The following HYOU1 variants were observed in gnomAD, a reference collection of about 807,000 sequenced individuals.
The protein encoded by HYOU1 is hypoxia up-regulated 1, also known as hypoxia up-regulated protein 1.
In HYOU1, 40 loss-of-function variants were observed where a neutral mutation model predicts 120.5. The ratio of observed to expected loss-of-function variants is 0.33; its 90% CI spans 0.26 to 0.43. The LOEUF is 0.43. Ranked by LOEUF, HYOU1 falls within the 20% of genes least tolerant of loss-of-function variation. The pLI is 1.00. For missense variants in HYOU1, 1,085 were observed against 1,278.3 expected (o/e 0.85, Z 2.31); for synonymous variants, 501 against 479.4 (o/e 1.05, Z -0.59).
Position 119,048,869 on chromosome 11 carries a change from T to C in HYOU1, c.2010A>G (p.Ala670=). 1 of 1,607,926 alleles carries C rather than the reference T, an allele frequency of 6.2e-7. No homozygotes were observed. Among genetic ancestry groups the C allele is most frequent in the Non-Finnish European group, 8.5e-7 (1 of 1,177,542 alleles). ...GAGCGACGCCCTCAGGCCCTGCCTCTGCCTTCTCACTTGGTTTCTGGGTGG... is the reference window on the plus strand; with the variant it reads ...GAGCGACGCCCTCAGGCCCTGCCTCCGCCTTCTCACTTGGTTTCTGGGTGG... The part of the protein sequence containing the change: ...KSEAQKPSEK[A]EAGPEGVAPA... The change falls in exon 18 of 26, where the codon GCA becomes GCG. Residue 670 remains alanine (A), a synonymous_variant. Coordinates refer to ENST00000617285, the MANE Select transcript of HYOU1 (RefSeq NM_006389.5). The surrounding 1 kb of genome is among the most constrained non-coding windows in gnomAD (Gnocchi z 4.7).
Position 119,052,489 on chromosome 11 carries a change from A to G in HYOU1, c.988-60T>C. ...CCCAGCTCCCGCTCTCTTGGTGAGT[A>G]GGACAGAAACAAAAAGAATAGGTCT... On this transcript the variant is annotated intron_variant, in intron 9 of 25. Transcript: ENST00000617285. This position sits in a 1 kb window ranked among gnomAD's most constrained non-coding sequence, Gnocchi z 5.0. The G allele has an allele frequency of 1.2e-6, 2 of 1,610,422 alleles. No homozygotes were observed. The highest frequency in any genetic ancestry group is 1.7e-6 in the Non-Finnish European group (2 of 1,177,892).
intron 8 of HYOU1, chr11:119,053,597 G>T (rs2133600246): frequency 6.6e-6 from 1 of 152,594 alleles, no homozygotes; most frequent in Non-Finnish European, 1.5e-5. Flanking sequence ...TATGAAGAAA[G>T]AACTGAAAGG....
At position 119,049,935 on chromosome 11, in the gene HYOU1, C is replaced by T. The variant is rs2133576695; in HGVS notation, c.1666-98G>A. 1.0e-4 allele frequency: 106 copies of T among 1,051,172 alleles called. 1 individual carries two copies. The highest frequency in any genetic ancestry group is 1.5e-4 in the Non-Finnish European group (98 of 672,892). The allele number at this position is 1,051,172 out of a possible 1,614,324, so 65.1% of individuals were successfully genotyped here. A position where few individuals can be genotyped will look rare whatever the true frequency, so the allele number is the denominator to read the frequency against. On this transcript the variant is annotated intron_variant, in intron 14 of 25. Transcript: ENST00000617285. ...GTGTTTGCTTATGCACACTCCATGC[C>T]GTCACAGGCCTAGTCTCTCACCTGC... is the stretch of plus-strand genomic sequence containing the variant.
chr11:119,044,400 C>A lies in HYOU1; in HGVS notation c.*1193G>T, dbSNP rs1943954671. ...AAAGGAAAAGACAAAATGACTGACACAGCCAGGTTCATTCTTGTCTTGGAG... is the reference window on the plus strand; with the variant it reads ...AAAGGAAAAGACAAAATGACTGACAAAGCCAGGTTCATTCTTGTCTTGGAG... On this transcript the variant is annotated 3_prime_UTR_variant, in exon 26 of 26. Transcript: ENST00000617285. 6.6e-6 allele frequency: 1 copy of A among 151,712 alleles called. No homozygotes were observed. The highest frequency in any genetic ancestry group is 1.9e-4 in the East Asian group (1 of 5,146). The allele number at this position is 151,712 out of a possible 1,614,324, so 9.4% of individuals were successfully genotyped here.
At position 119,054,981 on chromosome 11, in the gene HYOU1, C is replaced by T. The variant is rs1944667033; in HGVS notation, c.496+3G>A. Reference sequence around the variant, plus strand: ...CCCTAAGGGCCCCACCTTGACCACTCACCTGCAAAATCTTCAGCTAGAGAA... The same window carrying T: ...CCCTAAGGGCCCCACCTTGACCACTTACCTGCAAAATCTTCAGCTAGAGAA... On this transcript the variant is annotated splice_donor_region_variant and intron_variant, in intron 6 of 25. Transcript: ENST00000617285. The T allele has an allele frequency of 1.9e-6, 3 of 1,613,558 alleles. No individual in the cohort carries two copies. Among genetic ancestry groups the T allele is most frequent in the Non-Finnish European group, 2.5e-6 (3 of 1,179,980 alleles).
rs2133589482 is a variant in HYOU1 at position 119,051,990 on chromosome 11, G to A, written c.1206-39C>T. On this transcript the variant is annotated intron_variant, in intron 11 of 25. Transcript: ENST00000617285. This position sits in a 1 kb window ranked among gnomAD's most constrained non-coding sequence, Gnocchi z 4.2. ...AAGCCTCAGCACGGTCTACCCTGGA[G>A]CATGCAACCGGGACTTCCCTCCCCT... 1.2e-6 allele frequency: 2 copies of A among 1,613,468 alleles called. No individual in the cohort carries two copies. The highest frequency in any genetic ancestry group is 2.2e-5 in the South Asian group (2 of 91,072).
Position 119,048,952 on chromosome 11 carries a change from A to G in HYOU1, c.1992+66T>C, listed in dbSNP as rs1210784549. The G allele has an allele frequency of 6.2e-7, 1 of 1,610,750 alleles. No homozygotes were observed. Among genetic ancestry groups the G allele is most frequent in the African/African-American group, 1.3e-5 (1 of 74,712 alleles). ...CCTCCTACATTCTCCACAAGGCCAG[A>G]AACAAGGCAGGCGCCTGCTCCCTTA... On this transcript the variant is annotated intron_variant, in intron 17 of 25. Coordinates refer to ENST00000617285, the MANE Select transcript of HYOU1 (RefSeq NM_006389.5). This position sits in a 1 kb window ranked among gnomAD's most constrained non-coding sequence, Gnocchi z 4.7.
At position 119,049,133 on chromosome 11, in the gene HYOU1, G is replaced by T; in HGVS notation, c.1877C>A (p.Ala626Asp). Residue 626 changes from alanine to aspartate, a missense_variant, in exon 17 of 26, where the codon GCT becomes GAT. Physicochemically the swap from Ala to Asp is moderately radical, Grantham distance 126 (BLOSUM62 -2). Around this residue, in one of 4 missense-constraint regions of HYOU1, gnomAD observed 516 missense variants for 517.1 expected, o/e 1.00. Transcript: ENST00000617285. ...AGAGCCATCCTCCACTGGGGCCTCA[G>T]CTTCCTCCTTGAGCTCCACCTGCTC... ...PGEQVELKEE[A>D]EAPVEDGSQP... is the part of the protein sequence containing the mutation. 1 of 1,613,786 alleles carries T rather than the reference G, an allele frequency of 6.2e-7. No individual in the cohort carries two copies. The highest frequency in any genetic ancestry group is 1.1e-5 in the South Asian group (1 of 91,070).
chr11:119,049,668 A>G, intron 15 of HYOU1, 33 bp from the exon 16 acceptor site: 1 of 1,612,576 alleles, frequency 6.2e-7, no homozygotes, highest in South Asian at 1.1e-5. Flanking sequence ...ACTCAAAAGG[A>G]GACCACAGCA....
chr11:119,046,937 G>C (rs1419879806), intron 22 of HYOU1, 135 bp from the exon 23 acceptor site: 36 of 1,148,266 alleles, frequency 3.1e-5, no homozygotes, highest in Non-Finnish European at 4.4e-5. Flanking sequence ...TCAGCCCCAA[G>C]AGGCTAACAG....
At position 119,057,009 on chromosome 11, in the gene HYOU1, A is replaced by AC. The variant is rs1486252068; in HGVS notation, c.-8+10dup. 1.4e-5 allele frequency: 2 copies of AC among 147,488 alleles called. No homozygotes were observed. Among genetic ancestry groups the AC allele is most frequent in the African/African-American group, 5.1e-5 (2 of 39,510 alleles). The allele number at this position is 147,488 out of a possible 1,614,324, so 9.1% of individuals were successfully genotyped here. On this transcript the variant is annotated intron_variant, in intron 1 of 25. Coordinates refer to ENST00000617285, the MANE Select transcript of HYOU1 (RefSeq NM_006389.5). Reference sequence around the variant, plus strand: ...GGGTGGCCGGCCCGCACCTCCATCCACCCCCGCTACCTCTTGCCTCCGCTC... The same window carrying AC: ...GGGTGGCCGGCCCGCACCTCCATCCACCCCCCGCTACCTCTTGCCTCCGCTC...
chr11:119,046,450 C>T lies in HYOU1; in HGVS notation c.2854G>A (p.Glu952Lys). The change falls in exon 24 of 26, where the codon GAG (glutamate) becomes AAG (lysine). Residue 952 changes from glutamate to lysine, a missense_variant. Around this residue, in one of 4 missense-constraint regions of HYOU1, gnomAD observed 516 missense variants for 517.1 expected, o/e 1.00. Transcript: ENST00000617285. The stretch of plus-strand genomic sequence containing the variant: ...ACTTTCTCAGGTTCTGAAATGGGCT[C>T]TGCATCTTCAGTCTGGCCTAGAAGG... The part of the protein sequence containing the change: ...IPPAGQTEDA[E>K]PISEPEKVET... The T allele has an allele frequency of 6.2e-7, 1 of 1,614,170 alleles. No individual in the cohort carries two copies. Among genetic ancestry groups the T allele is most frequent in the Admixed American group, 1.7e-5 (1 of 60,016 alleles).
At position 119,049,161 on chromosome 11, in the gene HYOU1, C is replaced by T; in HGVS notation, c.1849G>A (p.Gly617Arg). ...TCCTCCTTGAGCTCCACCTGCTCCC[C>T]AGGCTCGTCCTTGCTCCCCTCTGCA... ...SPAEGSKDEP[G>R]EQVELKEEAE... Residue 617 changes from glycine to arginine, a missense_variant, in exon 17 of 26, where the codon GGG (glycine) becomes AGG (arginine). Gly to Arg is a moderately radical substitution (Grantham distance 125). Around this residue, in one of 4 missense-constraint regions of HYOU1, gnomAD observed 516 missense variants for 517.1 expected, o/e 1.00. Coordinates refer to ENST00000617285, the MANE Select transcript of HYOU1 (RefSeq NM_006389.5). 6.2e-7 allele frequency: 1 copy of T among 1,611,330 alleles called. No individual in the cohort carries two copies. The highest frequency in any genetic ancestry group is 8.5e-7 in the Non-Finnish European group (1 of 1,178,564).
Position 119,052,081 on chromosome 11 carries a change from C to A in HYOU1, c.1205+9G>T, listed in dbSNP as rs2133590089. ...GAACTCAGCCAAGCGCTCTAGCCCC[C>A]ACACTCACTTGCCCACGGCCTTCAG... On this transcript the variant is annotated intron_variant, in intron 11 of 25. Transcript: ENST00000617285. The surrounding 1 kb of genome is among the most constrained non-coding windows in gnomAD (Gnocchi z 5.0). The A allele has an allele frequency of 6.8e-6, 11 of 1,614,144 alleles. No individual in the cohort carries two copies. The East Asian group carries it at 2.0e-4, about 29-fold the overall frequency.
chr11:119,045,703 G>A, intron 25 of HYOU1, 49 bp from the exon 26 acceptor site: 1 of 1,613,290 alleles, frequency 6.2e-7, no homozygotes, highest in Admixed American at 1.7e-5. Context: ...TGAAACAGAG[G>A]AACCAACCCC....
intron 16 of HYOU1, 59 bp downstream of exon 16, chr11:119,049,497 G>A (rs903525158): frequency 1.4e-5 from 23 of 1,586,586 alleles, no homozygotes; most frequent in South Asian, 7.7e-5. Context: ...CTTCCTCTGC[G>A]GCTACTACCT....
chr11:119,056,829 C>A, intron 1 of HYOU1, 191 bp downstream of exon 1: 1 of 174,688 alleles, frequency 5.7e-6, no homozygotes, highest in East Asian at 1.7e-4. Context: ...GGCTCCCACT[C>A]CCGGAAACGG....
At position 119,048,131 on chromosome 11, in the gene HYOU1, T is replaced by TGG. The variant is rs2134682507; in HGVS notation, c.2377-53_2377-52dup. On this transcript the variant is annotated intron_variant, in intron 20 of 25. Coordinates refer to ENST00000617285, the MANE Select transcript of HYOU1 (RefSeq NM_006389.5). The surrounding 1 kb of genome is among the most constrained non-coding windows in gnomAD (Gnocchi z 4.7). ...GGGTGGAAGGGACGACAGCAGAGCC[T>TGG]GGAGTCAGCCCCATGTCCTTCTTTA... The TGG allele has an allele frequency of 6.2e-7, 1 of 1,612,672 alleles. No homozygotes were observed. The highest frequency in any genetic ancestry group is 2.2e-5 in the East Asian group (1 of 44,880).
rs1324058693 is a variant in HYOU1 at position 119,052,863 on chromosome 11, G to C, written c.795-34C>G. On this transcript the variant is annotated intron_variant, in intron 8 of 25. Transcript: ENST00000617285. The surrounding 1 kb of genome is among the most constrained non-coding windows in gnomAD (Gnocchi z 5.0). ...AAAAGGGAGCAGGGAAAAAAGTGAA[G>C]AACACATGGAGTCCCCGCATCTGCA... 2 of 1,586,792 alleles carry C rather than the reference G, an allele frequency of 1.3e-6. No homozygotes were observed. The highest frequency in any genetic ancestry group is 3.5e-5 in the Admixed American group (2 of 57,102).
Sources: gnomAD v4.1 joint callset for allele counts on GRCh38, gnomAD v4.1.1 for gene constraint, gnomAD v4.1.1 regional missense constraint, Gnocchi (gnomAD v3.1) non-coding constraint, MANE v1.5 for transcripts, NCBI Gene and HGNC (gene_info 2026-07-23, HGNC 2026-07-21) for gene names.